Variants in DCAF6 observed in about 807,000 individuals in gnomAD.
DCAF6 encodes DDB1- and CUL4-associated factor 6.
Under a neutral mutation model 125.1 loss-of-function variants are expected in DCAF6, and 54 were observed. The observed-to-expected ratio is 0.43, with a 90% CI of 0.35 to 0.54. The LOEUF is 0.54. Among genes scored for constraint, DCAF6 ranks in the 20% least tolerant of loss-of-function variants. DCAF6 has a pLI of 0.01. For missense variants in DCAF6, 934 were observed against 1,161.7 expected (o/e 0.80, Z 2.85); for synonymous variants, 371 against 390.4 (o/e 0.95, Z 0.58).
At chr1:167,991,534 AGTT>A (rs1403164229) in intron 6 of DCAF6, among the ~76,000 whole-genome samples, 195 bp downstream of exon 6, 1 of 152,196 alleles carries the variant, frequency 6.6e-6, no homozygotes, top group Non-Finnish European at 1.5e-5. Context: ...CAGTTTAAAA[AGTT>A]GTAACATTTG....
Position 168,068,355 on chromosome 1 carries a change from T to TG in DCAF6, c.2686-3_2686-2insG. The TG allele has an allele frequency of 6.3e-7, 1 of 1,599,982 alleles. No homozygotes were observed. Among genetic ancestry groups the TG allele is most frequent in the Non-Finnish European group, 8.6e-7 (1 of 1,169,350 alleles). On this transcript the variant is annotated splice_region_variant and splice_polypyrimidine_tract_variant and intron_variant, in intron 20 of 21. Transcript: ENST00000367840. ...TTGATACGATTTTTAACTTGCCTTG[T>TG]AGGTTATAACTCGAAACGAACTCAT...
intron 6 of DCAF6, among the ~76,000 whole-genome samples, chr1:167,992,773 C>T (rs890692314): frequency 6.6e-6 from 1 of 152,178 alleles, no homozygotes; most frequent in Non-Finnish European, 1.5e-5. Context: ...AGGCAAATTT[C>T]ATGGCAATCA....
chr1:168,001,363 A>G (rs1247665513), intron 7 of DCAF6, among the ~76,000 whole-genome samples: 1 of 152,226 alleles, frequency 6.6e-6, no homozygotes, highest in Non-Finnish European at 1.5e-5. Context: ...AACATGTCAA[A>G]TAAGCTCTGA....
At chr1:167,888,421 G>A in the DCAF6 span, among the ~76,000 whole-genome samples, 2 of 147,410 alleles carry the variant, frequency 1.4e-5, no homozygotes, top group Admixed American at 1.4e-4. Context: ...TTTTTTTTTT[G>A]TGGCCTCTTC....
At chr1:167,866,033 C>T in the DCAF6 span, among the ~76,000 whole-genome samples, 5 of 152,176 alleles carry the variant, frequency 3.3e-5, no homozygotes, top group African/African-American at 1.2e-4. Context: ...CTTAGGATTC[C>T]TTGGAGACCT....
rs991441582 is a variant in DCAF6 at position 168,075,556 on chromosome 1, T to C, written c.*121T>C. On this transcript the variant is annotated 3_prime_UTR_variant, in exon 22 of 22. Transcript: ENST00000367840. ...TATGGTTTTTGGAGTTTTTCCCTTTTTTTGGGATAACCTAACATTGGTTTG... is the reference window on the plus strand; with the variant it reads ...TATGGTTTTTGGAGTTTTTCCCTTTCTTTGGGATAACCTAACATTGGTTTG... 18 of 838,360 alleles carry C rather than the reference T, an allele frequency of 2.1e-5. No individual in the cohort carries two copies. The highest frequency in any genetic ancestry group is 3.7e-4 in the Middle Eastern group (1 of 2,736). 51.9% of individuals were successfully genotyped at this position (838,360 alleles called of 1,614,324 possible). A position where few individuals can be genotyped will look rare whatever the true frequency, so the allele number is the denominator to read the frequency against.
At chr1:168,001,920 A>G (rs369493272) in intron 7 of DCAF6, among the ~76,000 whole-genome samples, 1 of 152,266 alleles carries the variant, frequency 6.6e-6, no homozygotes, top group African/African-American at 2.4e-5. Context: ...TTTTCTCTGA[A>G]GTAGGAGGAA....
intron 2 of DCAF6, among the ~76,000 whole-genome samples, chr1:167,953,115 G>A (rs1025218721): frequency 1.3e-5 from 2 of 151,810 alleles, no homozygotes; most frequent in Admixed American, 1.3e-4. Context: ...TGTTTTTTCG[G>A]TATTAATCTA....
chr1:168,029,407 C>T (rs1490975249), intron 12 of DCAF6, among the ~76,000 whole-genome samples: 1 of 152,134 alleles, frequency 6.6e-6, no homozygotes, highest in Non-Finnish European at 1.5e-5. Context: ...TCAACTGATA[C>T]GTAAATGCCT....
upstream of DCAF6, among the ~76,000 whole-genome samples, chr1:167,933,589 A>G (rs1670974944): frequency 1.3e-5 from 2 of 152,386 alleles, no homozygotes; most frequent in South Asian, 4.1e-4. Context: ...ATATCATTTA[A>G]TAAACTCCTT....
intron 2 of DCAF6, among the ~76,000 whole-genome samples, chr1:167,955,443 G>GTT (rs879890274): frequency 5.8e-5 from 8 of 138,184 alleles, no homozygotes; most frequent in Admixed American, 7.2e-5. Context: ...GGTGTGGTCA[G>GTT]TTTTTTTTTT....
At chr1:167,987,445 G>T in intron 4 of DCAF6, 50 bp from the exon 5 acceptor site, 1 of 877,762 alleles carries the variant, frequency 1.1e-6, no homozygotes. Context: ...TTTCAGAGCC[G>T]TCTGTTTAAA....
chr1:167,981,014 C>T (rs1679046317), intron 4 of DCAF6, among the ~76,000 whole-genome samples: 1 of 147,124 alleles, frequency 6.8e-6, no homozygotes, highest in African/African-American at 2.5e-5. Flanking sequence ...TCAAGCAATT[C>T]TCCTGCCTCA....
chr1:168,032,007 G>A (rs1375075626), intron 12 of DCAF6, among the ~76,000 whole-genome samples: 2 of 152,160 alleles, frequency 1.3e-5, no homozygotes, highest in Non-Finnish European at 2.9e-5. Flanking sequence ...CAATCTAAAT[G>A]TATCGAAATC....
the DCAF6 span, among the ~76,000 whole-genome samples, chr1:167,879,930 A>G: frequency 2.0e-5 from 3 of 152,194 alleles, no homozygotes; most frequent in Non-Finnish European, 2.9e-5. Flanking sequence ...CTACTCATAC[A>G]TAGCCCCAGA....
At chr1:168,056,252 G>T in intron 17 of DCAF6, 1 of 1,611,846 alleles carries the variant, frequency 6.2e-7, no homozygotes. Flanking sequence ...TTACCCATTC[G>T]TGTTTCTCTG....
chr1:168,065,901 A>G (rs183222647), intron 19 of DCAF6, among the ~76,000 whole-genome samples, 155 bp downstream of exon 19: 6 of 152,222 alleles, frequency 3.9e-5, no homozygotes, highest in African/African-American at 1.2e-4. Context: ...TTGCACTTCA[A>G]ACACACCTGT....
At chr1:167,902,572 C>A in the DCAF6 span, among the ~76,000 whole-genome samples, 1 of 152,156 alleles carries the variant, frequency 6.6e-6, no homozygotes, top group Admixed American at 6.6e-5. Flanking sequence ...CTTTTAGTTA[C>A]GCATCATCAT....
chr1:167,954,503 A>T (rs963644591), intron 2 of DCAF6, among the ~76,000 whole-genome samples: 4 of 151,496 alleles, frequency 2.6e-5, no homozygotes, highest in Non-Finnish European at 5.9e-5. Flanking sequence ...CCCAGGCTGG[A>T]GTGCAGTGGC....
Sources: gnomAD v4.1 joint callset for allele counts (sites outside exome capture counted in the v4.1 genomes callset) on GRCh38, gnomAD v4.1.1 for gene constraint, MANE v1.5 for transcripts, NCBI Gene and HGNC (gene_info 2026-07-23, HGNC 2026-07-21) for gene names.